Variants in PLLP observed in about 807,000 individuals in gnomAD.
PLLP encodes plasmolipin, also known as plasma membrane proteolipid (plasmolipin).
PLLP carries 15 observed loss-of-function variants against 19.7 expected under a neutral mutation model. The ratio of observed to expected loss-of-function variants is 0.76; its 90% CI spans 0.51 to 1.17. PLLP has a LOEUF of 1.17. PLLP is among the 50% of genes most tolerant of loss of function. The pLI is 0.00. For missense variants in PLLP, 255 were observed against 258.3 expected (o/e 0.99, Z 0.09); for synonymous variants, 111 against 116.3 (o/e 0.95, Z 0.29).
intron 1 of PLLP, among the ~76,000 whole-genome samples, chr16:57,281,517 C>CTTTTCTTTTTTT (rs1901218489): frequency 1.5e-5 from 2 of 130,142 alleles, no homozygotes; most frequent in African/African-American, 3.1e-5. Context: ...TTTTTTATTT[C>CTTTTCTTTTTTT]TTTTTTTTTT....
At chr16:57,272,097 C>A (rs140643107) in intron 1 of PLLP, among the ~76,000 whole-genome samples, 3 of 152,208 alleles carry the variant, frequency 2.0e-5, no homozygotes, top group African/African-American at 7.2e-5. Context: ...GCCAGGCCCC[C>A]GCCAGGGCTT....
At chr16:57,281,218 GA>G (rs1901214925) in intron 1 of PLLP, among the ~76,000 whole-genome samples, 1 of 152,216 alleles carries the variant, frequency 6.6e-6, no homozygotes, top group African/African-American at 2.4e-5. Context: ...CCATAGGCCA[GA>G]AAAGTCAGAA....
chr16:57,279,864 T>C (rs2146451410), intron 1 of PLLP, among the ~76,000 whole-genome samples: 1 of 152,332 alleles, frequency 6.6e-6, no homozygotes, highest in East Asian at 1.9e-4. Context: ...TTTTGATCTG[T>C]TATTCACCTG....
chr16:57,266,784 G>A (rs560316794), intron 1 of PLLP, among the ~76,000 whole-genome samples: 1 of 150,976 alleles, frequency 6.6e-6, no homozygotes, highest in Non-Finnish European at 1.5e-5. Context: ...CCAGCTCTCT[G>A]AGGTCCCTGC....
chr16:57,278,882 T>G (rs1363622664), intron 1 of PLLP, among the ~76,000 whole-genome samples: 5 of 152,124 alleles, frequency 3.3e-5, no homozygotes, highest in African/African-American at 1.2e-4. Context: ...CTGCCCTTCA[T>G]CTGCAGAGGA....
chr16:57,266,962 T>C (rs143536513), intron 1 of PLLP, among the ~76,000 whole-genome samples: 2,039 of 152,028 alleles, frequency 0.013, 55 homozygotes, highest in African/African-American at 0.047. Context: ...AAACGACCTT[T>C]GCATCTTCAA....
At chr16:57,275,225 G>A (rs1901135791) in intron 1 of PLLP, among the ~76,000 whole-genome samples, 1 of 151,762 alleles carries the variant, frequency 6.6e-6, no homozygotes, top group Non-Finnish European at 1.5e-5. Context: ...ACTTAAATAG[G>A]TAGCCTGGAG....
chr16:57,260,745 C>T (rs1441559346), intron 2 of PLLP, among the ~76,000 whole-genome samples: 1 of 152,182 alleles, frequency 6.6e-6, no homozygotes, highest in South Asian at 2.1e-4. Context: ...TTCCCATGTC[C>T]GCTCTCAGCC....
intron 2 of PLLP, among the ~76,000 whole-genome samples, chr16:57,259,560 G>A (rs550674133): frequency 3.9e-5 from 6 of 152,308 alleles, no homozygotes; most frequent in South Asian, 2.1e-4. Context: ...CCCATTCACC[G>A]TCTTCAAACG....
chr16:57,282,289 G>C (rs1901230338), intron 1 of PLLP, among the ~76,000 whole-genome samples: 1 of 151,414 alleles, frequency 6.6e-6, no homozygotes. Context: ...TGTCACCCAG[G>C]CTGGAGTGCA....
chr16:57,258,448 G>T lies in PLLP; in HGVS notation c.432+14C>A. ...CCCTGCAGACCACCAAGGGAGCCTG[G>T]GAAGCAGACTCACCGAGGCAGCCGC... On this transcript the variant is annotated intron_variant, in intron 3 of 3. Coordinates refer to ENST00000219207, the MANE Select transcript of PLLP (RefSeq NM_015993.3). 1 of 1,607,174 alleles carries T rather than the reference G, an allele frequency of 6.2e-7. No homozygotes were observed. Among genetic ancestry groups the T allele is most frequent in the Non-Finnish European group, 8.5e-7 (1 of 1,179,562 alleles).
At position 57,261,777 on chromosome 16, in the gene PLLP, C is replaced by G. The variant is rs2075442260; in HGVS notation, c.309+120G>C. 4 of 827,976 alleles carry G rather than the reference C, an allele frequency of 4.8e-6. No homozygotes were observed. In the Admixed American group the frequency reaches 8.1e-5, roughly 17 times the overall value. 51.3% of individuals were successfully genotyped at this position (827,976 alleles called of 1,614,324 possible). A position where few individuals can be genotyped will look rare whatever the true frequency, so the allele number is the denominator to read the frequency against. ...TCAATCCTCACCTCCACCCCTGGCT[C>G]TGCAGATCAGCTTAGGTCAGTGAGG... is the stretch of plus-strand genomic sequence containing the variant. On this transcript the variant is annotated intron_variant, in intron 2 of 3. Coordinates refer to ENST00000219207, the MANE Select transcript of PLLP (RefSeq NM_015993.3).
chr16:57,272,892 G>C (rs1901094403), intron 1 of PLLP, among the ~76,000 whole-genome samples: 1 of 151,968 alleles, frequency 6.6e-6, no homozygotes, highest in African/African-American at 2.4e-5. Context: ...AGGAGGTCAA[G>C]GCTGCAGTAA....
chr16:57,283,883 A>G (rs1459279058), intron 1 of PLLP, among the ~76,000 whole-genome samples: 1 of 152,146 alleles, frequency 6.6e-6, no homozygotes, highest in East Asian at 1.9e-4. Flanking sequence ...CCTCTAGATT[A>G]GATGAGGAAT....
At chr16:57,279,713 C>T (rs1247349025) in intron 1 of PLLP, among the ~76,000 whole-genome samples, 2 of 151,980 alleles carry the variant, frequency 1.3e-5, no homozygotes, top group African/African-American at 4.8e-5. Flanking sequence ...TACTCTGTCA[C>T]CCAGGCTAGA....
intron 3 of PLLP, among the ~76,000 whole-genome samples, chr16:57,257,275 T>G (rs1488059834): frequency 2.0e-5 from 3 of 152,030 alleles, no homozygotes; most frequent in African/African-American, 7.3e-5. Context: ...ATAAGGGCAA[T>G]GAAGGAGAAG....
Position 57,262,142 on chromosome 16 carries a change from C to T in PLLP, c.136-72G>A, listed in dbSNP as rs1384312476. The T allele has an allele frequency of 2.7e-6, 4 of 1,469,136 alleles. No homozygotes were observed. In the African/African-American group the frequency reaches 4.2e-5, roughly 15 times the overall value. 91.0% of individuals were successfully genotyped at this position (1,469,136 alleles called of 1,614,324 possible). The stretch of plus-strand genomic sequence containing the variant: ...TTCTTATCTAGCTAAGAAATACTGG[C>T]CAGGCACAGTGGCTCATGCCTGTAA... On this transcript the variant is annotated intron_variant, in intron 1 of 3. Coordinates refer to ENST00000219207, the MANE Select transcript of PLLP (RefSeq NM_015993.3).
chr16:57,281,148 C>A (rs1229563072), intron 1 of PLLP, among the ~76,000 whole-genome samples: 1 of 152,236 alleles, frequency 6.6e-6, no homozygotes, highest in Non-Finnish European at 1.5e-5. Context: ...GTCCCCACCA[C>A]TCCCTCCATA....
chr16:57,258,017 C>A (rs1597957228), intron 3 of PLLP, among the ~76,000 whole-genome samples: 3 of 151,922 alleles, frequency 2.0e-5, no homozygotes, highest in South Asian at 2.1e-4. Context: ...TCCGTCTCTA[C>A]TAAAAATACA....
Sources: gnomAD v4.1 joint callset for allele counts (sites outside exome capture counted in the v4.1 genomes callset) on GRCh38, gnomAD v4.1.1 for gene constraint, MANE v1.5 for transcripts, NCBI Gene and HGNC (gene_info 2026-07-23, HGNC 2026-07-21) for gene names.